Variants in RNF216 observed in about 807,000 individuals in gnomAD.
RNF216 encodes the protein E3 ubiquitin-protein ligase RNF216.
RNF216 carries 72 observed loss-of-function variants against 110.8 expected under a neutral mutation model. The ratio of observed to expected loss-of-function variants is 0.65; its 90% CI spans 0.54 to 0.79. RNF216 has a LOEUF of 0.79. RNF216 is among the 30% of genes least tolerant of loss of function. The pLI is 0.00. For missense variants in RNF216, 1,342 were observed against 1,141.2 expected (o/e 1.18, Z -2.54); for synonymous variants, 495 against 407.5 (o/e 1.21, Z -2.59).
intron 2 of RNF216, among the ~76,000 whole-genome samples, chr7:5,758,014 T>C (rs1213394446): frequency 1.3e-5 from 2 of 152,122 alleles, no homozygotes; most frequent in African/African-American, 4.8e-5. Context: ...AAAAAATTAA[T>C]GCAGCTAATA....
chr7:5,768,754 C>T (rs535420729), intron 1 of RNF216, among the ~76,000 whole-genome samples: 3 of 151,662 alleles, frequency 2.0e-5, no homozygotes, highest in South Asian at 4.2e-4. Context: ...CTCCGCCTCC[C>T]GGGTTTACGC....
intron 13 of RNF216, among the ~76,000 whole-genome samples, chr7:5,705,197 G>A (rs1158419558): frequency 1.3e-5 from 2 of 152,006 alleles, no homozygotes; most frequent in African/African-American, 4.8e-5. Flanking sequence ...CTGATTTATG[G>A]AGCACCTACT....
At chr7:5,775,769 T>C (rs1053916552) in intron 1 of RNF216, among the ~76,000 whole-genome samples, 1 of 151,944 alleles carries the variant, frequency 6.6e-6, no homozygotes, top group East Asian at 1.9e-4. Flanking sequence ...CTCGGGAGGC[T>C]GAGGCAGGAG....
chr7:5,760,629 G>A, intron 2 of RNF216: 1 of 302,906 alleles, frequency 3.3e-6, no homozygotes, highest in Non-Finnish European at 6.4e-6. Context: ...AAGCATCATG[G>A]GAAGACAAGA....
intron 5 of RNF216, among the ~76,000 whole-genome samples, chr7:5,738,087 C>CAAAAAAAAAAA (rs200643372): frequency 9.9e-5 from 11 of 110,976 alleles, no homozygotes; most frequent in African/African-American, 4.0e-4. Flanking sequence ...AGACTGTCTC[C>CAAAAAAAAAAA]AAAAAAAAAA....
chr7:5,683,484 C>T (rs1312988151), intron 13 of RNF216, among the ~76,000 whole-genome samples: 1 of 152,174 alleles, frequency 6.6e-6, no homozygotes, highest in African/African-American at 2.4e-5. Flanking sequence ...GTATCACCCC[C>T]ATCCTCCATG....
At chr7:5,648,108 AT>A (rs111579094) in intron 14 of RNF216, among the ~76,000 whole-genome samples, 84 of 143,746 alleles carry the variant, frequency 5.8e-4, no homozygotes, top group South Asian at 2.0e-3. Context: ...CTTTAGCTCT[AT>A]TTTTTTTTTT....
chr7:5,664,233 T>C (rs1789358625), intron 13 of RNF216, among the ~76,000 whole-genome samples: 1 of 152,246 alleles, frequency 6.6e-6, no homozygotes, highest in Admixed American at 6.5e-5. Context: ...TATTGGGTCT[T>C]ATTTATAATT....
chr7:5,734,865 T>TAAATAAATAAATAAAA (rs1487679463), intron 5 of RNF216, among the ~76,000 whole-genome samples: 2 of 148,420 alleles, frequency 1.3e-5, no homozygotes, highest in African/African-American at 2.5e-5. Flanking sequence ...AATAAATAAA[T>TAAATAAATAAATAAAA]AAAAGGTTTG....
intron 13 of RNF216, among the ~76,000 whole-genome samples, chr7:5,701,966 G>A (rs781424199): frequency 2.6e-5 from 4 of 152,238 alleles, no homozygotes; most frequent in Non-Finnish European, 4.4e-5. Context: ...CAGGAAGGCA[G>A]CTCAGGACCA....
At chr7:5,671,962 T>A (rs1421236664) in intron 13 of RNF216, among the ~76,000 whole-genome samples, 1 of 152,184 alleles carries the variant, frequency 6.6e-6, no homozygotes, top group East Asian at 1.9e-4. Context: ...TTCAGATTTC[T>A]AGCTCCAAAA....
At chr7:5,636,934 A>G (rs996131816) in intron 15 of RNF216, among the ~76,000 whole-genome samples, 1 of 152,212 alleles carries the variant, frequency 6.6e-6, no homozygotes, top group African/African-American at 2.4e-5. Flanking sequence ...AAGCAACGGG[A>G]GGAGGCAGCA....
At chr7:5,718,879 G>C (rs1260620022) in intron 9 of RNF216, among the ~76,000 whole-genome samples, 1 of 151,922 alleles carries the variant, frequency 6.6e-6, no homozygotes, top group East Asian at 1.9e-4. Context: ...TTTTAGTCTT[G>C]AACTCCTGGC....
chr7:5,717,476 G>C (rs964475890), intron 9 of RNF216, among the ~76,000 whole-genome samples: 3 of 152,178 alleles, frequency 2.0e-5, no homozygotes, highest in Admixed American at 6.5e-5. Context: ...ACACTGGTGG[G>C]GCACTGGCAC....
At chr7:5,650,458 G>C (rs1788321739) in intron 14 of RNF216, among the ~76,000 whole-genome samples, 1 of 152,192 alleles carries the variant, frequency 6.6e-6, no homozygotes, top group Admixed American at 6.5e-5. Context: ...TCCTGTAGTA[G>C]TCCAGATGCC....
intron 13 of RNF216, among the ~76,000 whole-genome samples, chr7:5,710,076 C>T (rs1052460511): frequency 6.6e-6 from 1 of 152,204 alleles, no homozygotes; most frequent in Non-Finnish European, 1.5e-5. Flanking sequence ...TAAATGTCTT[C>T]AGGCTGGGGG....
intron 7 of RNF216, 69 bp from the exon 8 acceptor site, chr7:5,725,507 C>G (rs773131915): frequency 1.1e-6 from 1 of 885,938 alleles, no homozygotes; most frequent in Admixed American, 1.9e-5. Context: ...CAGGCAATCC[C>G]TGAATGCCAT....
chr7:5,639,053 G>A (rs1657384618), intron 15 of RNF216, among the ~76,000 whole-genome samples: 1 of 152,156 alleles, frequency 6.6e-6, no homozygotes, highest in South Asian at 2.1e-4. Context: ...TTCTGGCTGG[G>A]TCTGTGATGG....
Position 5,652,435 on chromosome 7 carries a change from C to G in RNF216, c.2137G>C (p.Asp713His), listed in dbSNP as rs773659215. ...CACATAGAGGTACGGTACTTGATGT[C>G]GTCTTTTTCAGCCAGCTCTTCACAG... is the stretch of plus-strand genomic sequence containing the variant. ...LTCEELAEKD[D>H]IKYRTSIEEK... Residue 713 changes from aspartate (D) to histidine (H), a missense_variant, in exon 14 of 17, where the codon GAC becomes CAC. By Grantham distance (81) the Asp-to-His change is moderately conservative. Transcript: ENST00000389902. 1 of 1,612,892 alleles carries G rather than the reference C, an allele frequency of 6.2e-7. No homozygotes were observed. Among genetic ancestry groups the G allele is most frequent in the African/African-American group, 1.3e-5 (1 of 74,890 alleles).
Sources: allele counts gnomAD v4.1 joint callset (sites outside exome capture counted in the v4.1 genomes callset), GRCh38; gene constraint gnomAD v4.1.1; transcripts MANE v1.5; gene names NCBI Gene and HGNC (gene_info 2026-07-23, HGNC 2026-07-21).